The following LRRC4C variants were observed in gnomAD, a reference collection of about 807,000 sequenced individuals.
LRRC4C encodes leucine-rich repeat-containing protein 4C.
LRRC4C carries 5 observed loss-of-function variants against 33.6 expected under a neutral mutation model. The observed-to-expected ratio is 0.15, with a 90% CI of 0.08 to 0.31. LRRC4C has a LOEUF of 0.31. Ranked by LOEUF, LRRC4C falls within the 10% of genes least tolerant of loss-of-function variation. The pLI, the probability that LRRC4C is intolerant of heterozygous loss-of-function variation, is 1.00. For missense variants in LRRC4C, 560 were observed against 796.7 expected (o/e 0.70, Z 3.58); for synonymous variants, 329 against 302.0 (o/e 1.09, Z -0.93).
chr11:41,382,928 G>T (rs566733829), intron 1 of LRRC4C, among the ~76,000 whole-genome samples: 3 of 152,116 alleles, frequency 2.0e-5, no homozygotes, highest in South Asian at 4.1e-4. Flanking sequence ...CAGCAGATTT[G>T]GTGAAAAAGC....
intron 2 of LRRC4C, among the ~76,000 whole-genome samples, chr11:40,720,495 G>T (rs923935400): frequency 6.6e-6 from 1 of 152,100 alleles, no homozygotes; most frequent in Non-Finnish European, 1.5e-5. Context: ...GTTCAAAAAC[G>T]ATAGTTAGCA....
intron 1 of LRRC4C, among the ~76,000 whole-genome samples, chr11:41,200,860 G>C (rs941165618): frequency 6.6e-6 from 1 of 152,192 alleles, no homozygotes; most frequent in Non-Finnish European, 1.5e-5. Context: ...CAGACCCAGA[G>C]AGAAGAATGT....
At chr11:40,677,747 G>T (rs1944475143) in intron 2 of LRRC4C, among the ~76,000 whole-genome samples, 1 of 152,204 alleles carries the variant, frequency 6.6e-6, no homozygotes, top group Non-Finnish European at 1.5e-5. Flanking sequence ...TTCACGTGGT[G>T]AAATGGTTCA....
chr11:41,261,536 A>G (rs75403785), intron 1 of LRRC4C, among the ~76,000 whole-genome samples: 5 of 152,194 alleles, frequency 3.3e-5, no homozygotes, highest in Non-Finnish European at 7.4e-5. Flanking sequence ...GATAGGGTGA[A>G]TATATAATTT....
At chr11:40,920,727 G>A (rs1272255018) in intron 2 of LRRC4C, among the ~76,000 whole-genome samples, 5 of 152,144 alleles carry the variant, frequency 3.3e-5, no homozygotes, top group East Asian at 1.9e-4. Flanking sequence ...TTTGTGGTAC[G>A]TAGAATAACG....
chr11:40,518,077 A>T (rs944879634), intron 3 of LRRC4C, among the ~76,000 whole-genome samples: 1 of 152,120 alleles, frequency 6.6e-6, no homozygotes, highest in Non-Finnish European at 1.5e-5. Flanking sequence ...GTAAAACTGG[A>T]CCCCTTCCTT....
At chr11:40,930,806 C>T (rs1015117512) in intron 2 of LRRC4C, among the ~76,000 whole-genome samples, 1 of 152,146 alleles carries the variant, frequency 6.6e-6, no homozygotes, top group Non-Finnish European at 1.5e-5. Flanking sequence ...ACATTCAAGA[C>T]TTTTTACTGG....
chr11:40,614,365 AC>A (rs1961543202), intron 3 of LRRC4C, among the ~76,000 whole-genome samples: 1 of 151,646 alleles, frequency 6.6e-6, no homozygotes, highest in South Asian at 2.1e-4. Flanking sequence ...TCATGAACCC[AC>A]CTCTGCTAGC....
chr11:41,175,025 G>A (rs1030496630), intron 1 of LRRC4C, among the ~76,000 whole-genome samples: 7 of 151,868 alleles, frequency 4.6e-5, no homozygotes, highest in Non-Finnish European at 8.8e-5. Flanking sequence ...TATCCTATCA[G>A]TTACCAGGTT....
chr11:40,608,754 G>A (rs1419022657), intron 3 of LRRC4C, among the ~76,000 whole-genome samples: 1 of 151,870 alleles, frequency 6.6e-6, no homozygotes, highest in African/African-American at 2.4e-5. Context: ...CCATGCAAAT[G>A]GTAACCAAAA....
At chr11:40,356,628 T>A (rs1429392080) in intron 3 of LRRC4C, among the ~76,000 whole-genome samples, 1 of 152,090 alleles carries the variant, frequency 6.6e-6, no homozygotes, top group Non-Finnish European at 1.5e-5. Flanking sequence ...CTGTGCTGTA[T>A]CACGGGATGA....
chr11:40,272,722 T>C (rs1942801860), intron 4 of LRRC4C, among the ~76,000 whole-genome samples: 1 of 152,166 alleles, frequency 6.6e-6, no homozygotes, highest in Non-Finnish European at 1.5e-5. Flanking sequence ...AAACATCTTC[T>C]TTTGGTGCAA....
chr11:40,130,745 T>A (rs1271071991), intron 6 of LRRC4C, among the ~76,000 whole-genome samples: 4 of 152,188 alleles, frequency 2.6e-5, no homozygotes, highest in Non-Finnish European at 5.9e-5. Flanking sequence ...CATTCTGCTT[T>A]CCCAGTTGTA....
chr11:40,412,579 C>A (rs1950191866), intron 3 of LRRC4C, among the ~76,000 whole-genome samples: 1 of 152,084 alleles, frequency 6.6e-6, no homozygotes, highest in South Asian at 2.1e-4. Flanking sequence ...AGCACTAATT[C>A]TTTTTTTCTT....
At chr11:40,470,947 T>C (rs1215875084) in intron 3 of LRRC4C, among the ~76,000 whole-genome samples, 1 of 152,102 alleles carries the variant, frequency 6.6e-6, no homozygotes, top group Non-Finnish European at 1.5e-5. Flanking sequence ...TGGAACCAAG[T>C]TGGAAAACAC....
At chr11:41,226,776 A>C (rs943443342) in intron 1 of LRRC4C, among the ~76,000 whole-genome samples, 9 of 149,424 alleles carry the variant, frequency 6.0e-5, no homozygotes, top group Non-Finnish European at 1.0e-4. Context: ...ACACACACAC[A>C]CCCTTCTCTC....
rs138055298 is a variant in LRRC4C, at chr11:40,221,834, A to T, written c.-96+19685T>A. On this transcript the variant is annotated intron_variant, in intron 5 of 6. Transcript: ENST00000528697. ...CACGTACCCCCTGCTTGCTCAATCG[A>T]TCACGACCCTCTCAAGTGCACCCCC... 1.3e-3 allele frequency among the ~76,000 whole-genome samples: 199 copies of T among 152,112 alleles called. 1 individual carries two copies. The highest frequency in any genetic ancestry group is 4.7e-3 in the African/African-American group (193 of 41,498).
chr11:40,371,355 C>T (rs1948440659), intron 3 of LRRC4C, among the ~76,000 whole-genome samples: 1 of 152,158 alleles, frequency 6.6e-6, no homozygotes, highest in Non-Finnish European at 1.5e-5. Flanking sequence ...TTGGACACTA[C>T]AATTTGTACA....
At chr11:41,260,599 GTA>G (rs879355941) in intron 1 of LRRC4C, among the ~76,000 whole-genome samples, 1 of 151,496 alleles carries the variant, frequency 6.6e-6, no homozygotes, top group African/African-American at 2.4e-5. Context: ...ATATATAGAT[GTA>G]TATATATGTG....
Sources: allele counts gnomAD v4.1 joint callset (sites outside exome capture counted in the v4.1 genomes callset), GRCh38; gene constraint gnomAD v4.1.1; transcripts MANE v1.5; gene names NCBI Gene and HGNC (gene_info 2026-07-23, HGNC 2026-07-21).